ANAPC10: variants seen among roughly 807,000 people sequenced by gnomAD.
ANAPC10 encodes anaphase promoting complex subunit 10.
ANAPC10 carries 12 observed loss-of-function variants against 22.0 expected under a neutral mutation model. The ratio of observed to expected loss-of-function variants is 0.55; its 90% CI spans 0.35 to 0.88. The LOEUF (loss-of-function observed/expected upper bound fraction) is 0.88. Among genes scored for constraint, ANAPC10 ranks in the 40% least tolerant of loss-of-function variants. ANAPC10 has a pLI of 0.01. For missense variants in ANAPC10, 188 were observed against 220.9 expected, an observed-to-expected ratio of 0.85 and a Z score of 0.94; for synonymous variants, 65 against 69.5, an observed-to-expected ratio of 0.94 and a Z score of 0.32.
At chr4:144,999,083 G>C (rs1300442424) in intron 4 of ANAPC10, among the ~76,000 whole-genome samples, 2 of 152,040 alleles carry the variant, frequency 1.3e-5, no homozygotes, top group Admixed American at 6.6e-5. Context: ...TTGAATCCCT[G>C]AATAGACCAA....
chr4:145,081,990 A>AT (rs1368607695), intron 2 of ANAPC10, among the ~76,000 whole-genome samples: 5 of 152,138 alleles, frequency 3.3e-5, no homozygotes, highest in African/African-American at 1.2e-4. Flanking sequence ...GATTACAGGC[A>AT]TAAGCCATAG....
At chr4:145,046,539 T>G (rs1244436939) in intron 4 of ANAPC10, among the ~76,000 whole-genome samples, 1 of 152,126 alleles carries the variant, frequency 6.6e-6, no homozygotes, top group African/African-American at 2.4e-5. Flanking sequence ...GATAAAGATG[T>G]GCTCCAGTAT....
chr4:145,047,991 T>C (rs902193319), intron 4 of ANAPC10, among the ~76,000 whole-genome samples: 4 of 152,128 alleles, frequency 2.6e-5, no homozygotes, highest in African/African-American at 9.6e-5. Flanking sequence ...AAATTAGGAT[T>C]GCCCTATATT....
intron 4 of ANAPC10, chr4:145,063,908 G>A (rs1743275720): frequency 1.3e-5 from 2 of 151,984 alleles, no homozygotes; most frequent in Non-Finnish European, 2.9e-5. Flanking sequence ...TGTAAAACAG[G>A]CAATATGGAT....
At chr4:145,027,909 T>G (rs1458512574) in intron 4 of ANAPC10, among the ~76,000 whole-genome samples, 9 of 152,064 alleles carry the variant, frequency 5.9e-5, no homozygotes, top group Admixed American at 5.9e-4. Flanking sequence ...ATAAGAGGTC[T>G]CCCAAAAGAA....
chr4:145,079,578 A>G (rs368237464), intron 3 of ANAPC10, among the ~76,000 whole-genome samples: 5 of 152,328 alleles, frequency 3.3e-5, no homozygotes, highest in South Asian at 4.1e-4. Flanking sequence ...AAATGCACAC[A>G]TATGTTGATT....
At chr4:145,068,267 A>G (rs973877370) in intron 3 of ANAPC10, among the ~76,000 whole-genome samples, 1 of 152,210 alleles carries the variant, frequency 6.6e-6, no homozygotes, top group Non-Finnish European at 1.5e-5. Context: ...ACAGATGCAG[A>G]AACTGAGGTT....
intron 4 of ANAPC10, among the ~76,000 whole-genome samples, chr4:145,036,897 A>G (rs1235659430): frequency 1.3e-5 from 2 of 152,142 alleles, no homozygotes; most frequent in Non-Finnish European, 2.9e-5. Flanking sequence ...AAGTTAACAT[A>G]AAAAGGAAGG....
rs114679655 is a variant in ANAPC10, at chr4:145,045,372, T to C, written c.327+19200A>G. Among the ~76,000 whole-genome samples the C allele has an allele frequency of 4.6e-3, 697 of 152,138 alleles. 9 individuals carry two copies. Among genetic ancestry groups the C allele is most frequent in the African/African-American group, 0.015 (635 of 41,532 alleles). ...CTCCAAGATTCACACAGCTAGTAAG[T>C]AGCAAAACTAAGATCTGAAACCAGA... On this transcript the variant is annotated intron_variant, in intron 4 of 4. Transcript: ENST00000507656.
chr4:145,016,858 C>A (rs1351898382), intron 4 of ANAPC10, among the ~76,000 whole-genome samples: 2 of 152,108 alleles, frequency 1.3e-5, no homozygotes, highest in East Asian at 1.9e-4. Flanking sequence ...CTGACAAAAA[C>A]AAGAAATGGG....
chr4:145,030,694 T>C (rs1196525536), intron 4 of ANAPC10, among the ~76,000 whole-genome samples: 6 of 152,174 alleles, frequency 3.9e-5, no homozygotes, highest in Non-Finnish European at 7.3e-5. Flanking sequence ...AACCCCCACA[T>C]TGGCTCCCTG....
At chr4:145,031,244 T>C (rs943838891) in intron 4 of ANAPC10, among the ~76,000 whole-genome samples, 1 of 152,198 alleles carries the variant, frequency 6.6e-6, no homozygotes, top group Admixed American at 6.5e-5. Flanking sequence ...GTCCATTACA[T>C]TGATGACATT....
chr4:145,087,035 A>C (rs1300583580), intron 2 of ANAPC10, among the ~76,000 whole-genome samples: 1 of 151,912 alleles, frequency 6.6e-6, no homozygotes, highest in African/African-American at 2.4e-5. Context: ...AGAGGCGGTA[A>C]ATGTGCTTGC....
intron 4 of ANAPC10, chr4:145,035,382 A>G (rs993082964): frequency 6.6e-6 from 1 of 152,186 alleles, no homozygotes; most frequent in African/African-American, 2.4e-5. Flanking sequence ...GATTTTGGAG[A>G]GCAAAAGAGA....
chr4:145,087,927 A>C (rs895348100), intron 2 of ANAPC10, among the ~76,000 whole-genome samples: 9 of 152,060 alleles, frequency 5.9e-5, no homozygotes, highest in Non-Finnish European at 1.3e-4. Flanking sequence ...GCGCACCTAT[A>C]ATCTTAGCTA....
chr4:145,053,858 A>G, intron 4 of ANAPC10: 1 of 531,906 alleles, frequency 1.9e-6, no homozygotes, highest in South Asian at 2.7e-5. Context: ...ATGCTTCAGC[A>G]GGTAGTTTCA....
At chr4:145,092,413 G>A (rs1222742167) in intron 2 of ANAPC10, among the ~76,000 whole-genome samples, 1 of 152,094 alleles carries the variant, frequency 6.6e-6, no homozygotes, top group Admixed American at 6.6e-5. Context: ...CTGAAATCCA[G>A]GAATGGGGCA....
intron 4 of ANAPC10, among the ~76,000 whole-genome samples, chr4:145,014,470 A>T (rs1231175733): frequency 1.3e-5 from 2 of 151,840 alleles, no homozygotes; most frequent in East Asian, 3.9e-4. Flanking sequence ...GACACACCAA[A>T]CCCTGCCCCT....
At chr4:145,038,050 TATGACTGGGCCTG>T (rs943089345) in intron 4 of ANAPC10, among the ~76,000 whole-genome samples, 19 of 152,230 alleles carry the variant, frequency 1.2e-4, no homozygotes, top group African/African-American at 4.1e-4. Context: ...AAGGCCATTT[TATGACTGGGCCTG>T]GTGGTTCACG....
Sources: gnomAD v4.1 joint callset for allele counts (sites outside exome capture counted in the v4.1 genomes callset) on GRCh38, gnomAD v4.1.1 for gene constraint, MANE v1.5 for transcripts, NCBI Gene and HGNC (gene_info 2026-07-23, HGNC 2026-07-21) for gene names.